Variants in PPCDC observed in about 807,000 individuals in gnomAD.
The protein encoded by PPCDC is phosphopantothenoylcysteine decarboxylase.
In PPCDC, 20 loss-of-function variants were observed where a neutral mutation model predicts 20.7. The ratio of observed to expected loss-of-function variants is 0.97; its 90% CI spans 0.68 to 1.41. The LOEUF is 1.41. PPCDC is among the 40% of genes most tolerant of loss of function. PPCDC has a pLI of 0.00. For synonymous variants in PPCDC, 88 were observed against 100.3 expected (o/e 0.88, Z 0.73); for missense variants, 246 against 263.8 (o/e 0.93, Z 0.47).
At position 75,049,772 on chromosome 15, in the gene PPCDC, C is replaced by T; in HGVS notation, c.*537C>T. 1 of 153,800 alleles carries T rather than the reference C, an allele frequency of 6.5e-6. No individual in the cohort carries two copies. The highest frequency in any genetic ancestry group is 1.4e-5 in the Non-Finnish European group (1 of 69,122). 9.5% of individuals were successfully genotyped at this position (153,800 alleles called of 1,614,324 possible). A position where few individuals can be genotyped will look rare whatever the true frequency, so the allele number is the denominator to read the frequency against. On this transcript the variant is annotated 3_prime_UTR_variant, in exon 6 of 6. Coordinates refer to ENST00000342932, the MANE Select transcript of PPCDC (RefSeq NM_021823.5). ...ACTCCATTCTTTCCCTACAACCCAG[C>T]TGTGGTCCCAGAGATCAGGGGGTGT...
intron 2 of PPCDC, among the ~76,000 whole-genome samples, chr15:75,042,053 T>C (rs1023069749): frequency 3.3e-5 from 5 of 152,210 alleles, no homozygotes; most frequent in African/African-American, 1.2e-4. Context: ...GAAATTGAAT[T>C]TTCTATGCGA....
intron 2 of PPCDC, among the ~76,000 whole-genome samples, chr15:75,038,853 TATC>T (rs753392734): frequency 2.6e-5 from 4 of 152,120 alleles, no homozygotes; most frequent in Non-Finnish European, 5.9e-5. Context: ...TTTCTACTAT[TATC>T]CGTTTCTTTA....
intron 4 of PPCDC, chr15:75,044,933 T>C: frequency 5.2e-6 from 1 of 190,956 alleles, no homozygotes; most frequent in Non-Finnish European, 1.1e-5. Context: ...TAATTGGGGG[T>C]TCACTTCTTC....
chr15:75,038,638 C>G (rs995526253), intron 2 of PPCDC, among the ~76,000 whole-genome samples: 1 of 152,204 alleles, frequency 6.6e-6, no homozygotes, highest in Non-Finnish European at 1.5e-5. Context: ...ACATGACGCT[C>G]TAATTTCTTC....
chr15:75,046,540 G>A (rs2066237011), intron 4 of PPCDC, among the ~76,000 whole-genome samples: 1 of 152,260 alleles, frequency 6.6e-6, no homozygotes, highest in Non-Finnish European at 1.5e-5. Context: ...AGAGTTGGCT[G>A]GGAAGTGAAA....
intron 2 of PPCDC, among the ~76,000 whole-genome samples, chr15:75,042,693 G>A (rs1411407456): frequency 6.6e-6 from 1 of 151,214 alleles, no homozygotes; most frequent in Admixed American, 6.6e-5. Flanking sequence ...ACAAATGATA[G>A]CCAACCCATC....
At position 75,044,470 on chromosome 15, in the gene PPCDC, A is replaced by G. The variant is rs1204438246; in HGVS notation, c.316A>G (p.Asn106Asp). The stretch of plus-strand genomic sequence containing the variant: ...CCTGCTGGTGGCTCCTCTTGATGCC[A>G]ACACTCTGGGGAAGGTGGCCAGTGG... The part of the protein sequence containing the change: ...DLLLVAPLDA[N>D]TLGKVASGIC... Residue 106 changes from asparagine to aspartate, a missense_variant, in exon 4 of 6, where the codon AAC (asparagine) becomes GAC (aspartate). Around this residue, in one of 2 missense-constraint regions of PPCDC, gnomAD observed 225 missense variants for 222.6 expected, o/e 1.01. Coordinates refer to ENST00000342932, the MANE Select transcript of PPCDC (RefSeq NM_021823.5). 6.2e-7 allele frequency: 1 copy of G among 1,614,160 alleles called. No homozygotes were observed.
chr15:75,030,547 G>T (rs2066009046), intron 2 of PPCDC, among the ~76,000 whole-genome samples: 2 of 152,200 alleles, frequency 1.3e-5, no homozygotes, highest in African/African-American at 4.8e-5. Context: ...GGATCCAAAG[G>T]TAATCCCTGG....
chr15:75,048,365 T>C (rs956820478), intron 4 of PPCDC, among the ~76,000 whole-genome samples, 188 bp from the exon 5 acceptor site: 1 of 152,174 alleles, frequency 6.6e-6, no homozygotes, highest in Non-Finnish European at 1.5e-5. Context: ...TGCCAGAGCC[T>C]GTGGGGAGGT....
Position 75,043,814 on chromosome 15 carries a change from G to A in PPCDC, c.231+278G>A, listed in dbSNP as rs2066186161. ...TCTGGGCTGATGAAACCACAGAGGAGCTCTGTTCCCACCACCCTTGTCCAC... is the reference window on the plus strand; with the variant it reads ...TCTGGGCTGATGAAACCACAGAGGAACTCTGTTCCCACCACCCTTGTCCAC... On this transcript the variant is annotated intron_variant, in intron 3 of 5. Coordinates refer to ENST00000342932, the MANE Select transcript of PPCDC (RefSeq NM_021823.5). 3 of 413,682 alleles carry A rather than the reference G, an allele frequency of 7.3e-6. No individual in the cohort carries two copies. The South Asian group carries it at 8.7e-5, about 12-fold the overall frequency. The allele number at this position is 413,682 out of a possible 1,614,324, so 25.6% of individuals were successfully genotyped here. A position where few individuals can be genotyped will look rare whatever the true frequency, so the allele number is the denominator to read the frequency against.
intron 2 of PPCDC, 64 bp downstream of exon 2, chr15:75,028,517 G>A: frequency 6.3e-7 from 1 of 1,595,362 alleles, no homozygotes; most frequent in East Asian, 2.2e-5. Flanking sequence ...TCCCGGGGAT[G>A]GCCCATTGCT....
chr15:75,036,714 T>G (rs1248965108), intron 2 of PPCDC, among the ~76,000 whole-genome samples: 1 of 152,024 alleles, frequency 6.6e-6, no homozygotes, highest in Non-Finnish European at 1.5e-5. Context: ...CTCTGAGACC[T>G]TGAGTGACGG....
At chr15:75,044,762 C>G in intron 4 of PPCDC, 1 of 457,674 alleles carries the variant, frequency 2.2e-6, no homozygotes, top group Admixed American at 4.0e-5. Flanking sequence ...CTCCCCTGCC[C>G]TTGCACCCAG....
chr15:75,027,848 C>G (rs2065975512), intron 1 of PPCDC, among the ~76,000 whole-genome samples: 1 of 152,246 alleles, frequency 6.6e-6, no homozygotes, highest in African/African-American at 2.4e-5. Flanking sequence ...AAGCCACTCC[C>G]TGTTCCCCAA....
chr15:75,043,747 G>T, intron 3 of PPCDC: 1 of 567,920 alleles, frequency 1.8e-6, no homozygotes, highest in Admixed American at 3.1e-5. Context: ...AGGCAGAGCT[G>T]GGCTTTGGCC....
Position 75,048,457 on chromosome 15 carries a change from G to A in PPCDC, c.361-96G>A, listed in dbSNP as rs536829002. 43 of 1,506,144 alleles carry A rather than the reference G, an allele frequency of 2.9e-5. No homozygotes were observed. In the Admixed American group the frequency reaches 6.7e-4, roughly 24 times the overall value. 93.3% of individuals were successfully genotyped at this position (1,506,144 alleles called of 1,614,324 possible). A position where few individuals can be genotyped will look rare whatever the true frequency, so the allele number is the denominator to read the frequency against. ...GGCAGGCTGTGCCCAGTCATCTCAA[G>A]CCTACAGCTGGGCTGCTGGCTGCAG... On this transcript the variant is annotated intron_variant, in intron 4 of 5. Transcript: ENST00000342932.
chr15:75,043,806 A>T (rs1455741113), intron 3 of PPCDC: 1 of 429,578 alleles, frequency 2.3e-6, no homozygotes, highest in East Asian at 4.5e-5. Context: ...TGATGAAACC[A>T]CAGAGGAGCT....
At chr15:75,031,452 C>T (rs969643887) in intron 2 of PPCDC, among the ~76,000 whole-genome samples, 7 of 152,120 alleles carry the variant, frequency 4.6e-5, no homozygotes, top group East Asian at 1.9e-4. Flanking sequence ...CAGGGCCGGG[C>T]GCGGTGGCTC....
intron 4 of PPCDC, among the ~76,000 whole-genome samples, chr15:75,045,441 T>C (rs1408549264): frequency 6.6e-6 from 1 of 152,192 alleles, no homozygotes; most frequent in Admixed American, 6.5e-5. Context: ...GTGGTAGACA[T>C]CCAATAAATA....
Sources: gnomAD v4.1 joint callset for allele counts (sites outside exome capture counted in the v4.1 genomes callset) on GRCh38, gnomAD v4.1.1 for gene constraint, gnomAD v4.1.1 regional missense constraint, MANE v1.5 for transcripts, NCBI Gene and HGNC (gene_info 2026-07-23, HGNC 2026-07-21) for gene names.